CDH18: variants seen among roughly 807,000 people sequenced by gnomAD.
CDH18 encodes the protein cadherin 18.
CDH18 carries 31 observed loss-of-function variants against 67.9 expected under a neutral mutation model. That is an observed-to-expected ratio of 0.46 (90% confidence interval 0.34 to 0.62). The LOEUF (loss-of-function observed/expected upper bound fraction) is 0.62, where lower values mean the gene tolerates loss of function less well. Among genes scored for constraint, CDH18 ranks in the 20% least tolerant of loss-of-function variants. The probability of loss-of-function intolerance (pLI) is 0.01; values close to 1 mark genes in which losing one functional copy is unlikely to be tolerated. For synonymous variants in CDH18, 362 were observed against 347.2 expected, an observed-to-expected ratio of 1.04 and a Z score of -0.48; for missense variants, 890 against 975.5, an observed-to-expected ratio of 0.91 and a Z score of 1.17.
chr5:20,436,019 G>C (rs949576737), intron 1 of CDH18, among the ~76,000 whole-genome samples: 21 of 151,898 alleles, frequency 1.4e-4, no homozygotes, highest in African/African-American at 4.8e-4. Context: ...GAAGCCATAT[G>C]ATCTAGAACT....
Position 20,202,223 on chromosome 5 carries a change from G to A in CDH18, c.-518+53221C>T, listed in dbSNP as rs145033470. On this transcript the variant is annotated intron_variant, in intron 2 of 14. Coordinates refer to the CDH18 transcript ENST00000507958. ...AGGACATATTATTGAGGAAAATACA[G>A]GGACACCTGTAAAAAACTTAACAGT... is the stretch of plus-strand genomic sequence containing the variant. Among the ~76,000 whole-genome samples the A allele has an allele frequency of 1.6e-3, 251 of 152,210 alleles. 1 individual carries two copies. Among genetic ancestry groups the A allele is most frequent in the African/African-American group, 5.8e-3 (243 of 41,544 alleles).
At chr5:20,215,680 T>C (rs1209982851) in intron 2 of CDH18, among the ~76,000 whole-genome samples, 1 of 151,950 alleles carries the variant, frequency 6.6e-6, no homozygotes, top group African/African-American at 2.4e-5. Flanking sequence ...CACATGTATG[T>C]TTATTGAAGC....
chr5:20,515,689 C>A (rs1755326217), intron 1 of CDH18, among the ~76,000 whole-genome samples: 1 of 151,982 alleles, frequency 6.6e-6, no homozygotes, highest in South Asian at 2.1e-4. Context: ...CTTTGAACTT[C>A]TATTCACATT....
chr5:20,395,151 T>C (rs887791086), intron 1 of CDH18, among the ~76,000 whole-genome samples: 5 of 152,158 alleles, frequency 3.3e-5, no homozygotes, highest in African/African-American at 9.7e-5. Context: ...ATATGTTTAT[T>C]GCAGCAAAAT....
chr5:19,985,164 G>A (rs370528742), intron 1 of CDH18, among the ~76,000 whole-genome samples: 9 of 151,668 alleles, frequency 5.9e-5, no homozygotes, highest in African/African-American at 1.2e-4. Context: ...TATAGCCCTC[G>A]TCTCTCAGTT....
At chr5:19,526,989 T>G (rs185495976) in intron 9 of CDH18, among the ~76,000 whole-genome samples, 9 of 152,058 alleles carry the variant, frequency 5.9e-5, no homozygotes, top group Non-Finnish European at 1.3e-4. Context: ...ATTTTTGGTC[T>G]GTCTGATTTA....
intron 8 of CDH18, among the ~76,000 whole-genome samples, chr5:19,551,371 A>G (rs1310536281): frequency 1.3e-5 from 2 of 152,208 alleles, no homozygotes; most frequent in Non-Finnish European, 2.9e-5. Flanking sequence ...AAATAGACAC[A>G]GCATATATGT....
chr5:20,014,799 T>A (rs1361329777), intron 2 of CDH18, among the ~76,000 whole-genome samples: 1 of 152,100 alleles, frequency 6.6e-6, no homozygotes, highest in East Asian at 1.9e-4. Flanking sequence ...CTGAAGCATA[T>A]AAGCATTAAA....
At chr5:20,125,912 C>T (rs1748781419) in intron 2 of CDH18, among the ~76,000 whole-genome samples, 1 of 152,050 alleles carries the variant, frequency 6.6e-6, no homozygotes, top group African/African-American at 2.4e-5. Flanking sequence ...CAATTCAATG[C>T]AAACCCATTC....
intron 2 of CDH18, among the ~76,000 whole-genome samples, chr5:20,201,524 G>C (rs1168849679): frequency 6.6e-6 from 1 of 151,010 alleles, no homozygotes; most frequent in Admixed American, 6.6e-5. Context: ...TTTGTTTTTT[G>C]TCAATGCAGT....
intron 2 of CDH18, among the ~76,000 whole-genome samples, chr5:20,159,310 G>A (rs927918981): frequency 1.3e-5 from 2 of 152,016 alleles, no homozygotes; most frequent in Non-Finnish European, 2.9e-5. Context: ...ACCATTATAC[G>A]AAATAAAAAG....
At chr5:19,616,280 C>T (rs1419078099) in intron 5 of CDH18, among the ~76,000 whole-genome samples, 1 of 151,886 alleles carries the variant, frequency 6.6e-6, no homozygotes, top group Non-Finnish European at 1.5e-5. Flanking sequence ...CACACGCCTA[C>T]ATCCTCACCA....
At chr5:19,593,689 C>T (rs867298186) in intron 6 of CDH18, among the ~76,000 whole-genome samples, 1 of 31,934 alleles carries the variant, frequency 3.1e-5, no homozygotes, top group African/African-American at 2.0e-4. Flanking sequence ...TCCTCCTTCT[C>T]TTCCTCTTCC....
At chr5:19,821,431 T>G (rs569188130) in intron 3 of CDH18, among the ~76,000 whole-genome samples, 328 of 149,512 alleles carry the variant, frequency 2.2e-3, no homozygotes, top group Non-Finnish European at 4.0e-3. Flanking sequence ...GGAAAAAGAA[T>G]TTTTAAAATG....
chr5:20,006,475 G>A (rs1466904742), intron 2 of CDH18, among the ~76,000 whole-genome samples: 1 of 151,774 alleles, frequency 6.6e-6, no homozygotes, highest in Non-Finnish European at 1.5e-5. Context: ...TAAACTACGA[G>A]GATATCTACA....
At chr5:19,473,864 C>G (rs1737996550) in intron 12 of CDH18, 148 bp from the exon 13 acceptor site, 2 of 682,304 alleles carry the variant, frequency 2.9e-6, no homozygotes, top group African/African-American at 3.6e-5. Context: ...ACTCTGTGCT[C>G]TCTGAATAAC....
intron 2 of CDH18, among the ~76,000 whole-genome samples, chr5:20,166,015 C>T (rs763190597): frequency 7.9e-5 from 12 of 152,154 alleles, no homozygotes; most frequent in Non-Finnish European, 1.5e-4. Flanking sequence ...TTTCCCCTGT[C>T]ATTCTGATTC....
chr5:20,211,018 G>A (rs1740310424), intron 2 of CDH18, among the ~76,000 whole-genome samples: 1 of 151,980 alleles, frequency 6.6e-6, no homozygotes. Flanking sequence ...TTAATTACCA[G>A]TATACATCAG....
intron 1 of CDH18, among the ~76,000 whole-genome samples, chr5:20,409,428 A>G (rs1746579150): frequency 2.0e-5 from 3 of 151,810 alleles, no homozygotes; most frequent in Admixed American, 2.0e-4. Context: ...CAGGAGGTCA[A>G]AAAAGAGATG....
Sources: gnomAD v4.1 joint callset for allele counts (sites outside exome capture counted in the v4.1 genomes callset) on GRCh38, gnomAD v4.1.1 for gene constraint, MANE v1.5 for transcripts, NCBI Gene and HGNC (gene_info 2026-07-23, HGNC 2026-07-21) for gene names.